The following SEC31A variants were observed in gnomAD, a reference collection of about 807,000 sequenced individuals.
The protein encoded by SEC31A is protein transport protein Sec31A.
SEC31A carries 70 observed loss-of-function variants against 151.0 expected under a neutral mutation model. The observed-to-expected ratio is 0.46, with a 90% CI of 0.38 to 0.57. The LOEUF (loss-of-function observed/expected upper bound fraction) is 0.57, where lower values mean the gene tolerates loss of function less well. SEC31A is among the 20% of genes least tolerant of loss of function. SEC31A has a pLI of 0.00. For synonymous variants in SEC31A, 475 were observed against 505.9 expected (o/e 0.94, Z 0.82); for missense variants, 1,330 against 1,471.2 (o/e 0.90, Z 1.57).
chr4:82,822,611 G>A (rs2148924565), intron 25 of SEC31A, among the ~76,000 whole-genome samples: 1 of 152,286 alleles, frequency 6.6e-6, no homozygotes, highest in Middle Eastern at 3.4e-3. Flanking sequence ...ATACATCCAT[G>A]CTATAAAAAC....
intron 25 of SEC31A, among the ~76,000 whole-genome samples, chr4:82,823,213 A>G (rs1443799914): frequency 6.6e-6 from 1 of 152,216 alleles, no homozygotes; most frequent in Non-Finnish European, 1.5e-5. Flanking sequence ...GAGTTGGGCC[A>G]TGTATTACGT....
At chr4:82,822,759 A>T (rs1343850029) in intron 25 of SEC31A, among the ~76,000 whole-genome samples, 2 of 152,174 alleles carry the variant, frequency 1.3e-5, no homozygotes, top group African/African-American at 4.8e-5. Flanking sequence ...GGATCACCTG[A>T]TGTTGGGAGT....
intron 6 of SEC31A, 64 bp from the exon 7 acceptor site, chr4:82,872,150 G>A (rs1416884455): frequency 1.7e-5 from 20 of 1,147,584 alleles, no homozygotes; most frequent in South Asian, 6.3e-5. Flanking sequence ...AAACTACAAC[G>A]AGAAATATAC....
intron 17 of SEC31A, 116 bp downstream of exon 17, chr4:82,854,784 TTTC>T: frequency 9.7e-7 from 1 of 1,034,168 alleles, no homozygotes; most frequent in Non-Finnish European, 1.3e-6. Flanking sequence ...AATGAGAATT[TTTC>T]TTTTTTGTGA....
At position 82,862,587 on chromosome 4, in the gene SEC31A, A is replaced by G; in HGVS notation, c.1510-15T>C. On this transcript the variant is annotated splice_polypyrimidine_tract_variant and intron_variant, in intron 12 of 26. Transcript: ENST00000395310. ...GCCAAAGCAATCTGAAATAAAAATA[A>G]CAGCTCACCTACTACATGGAATTCT... 1 of 1,610,548 alleles carries G rather than the reference A, an allele frequency of 6.2e-7. No homozygotes were observed. The highest frequency in any genetic ancestry group is 8.5e-7 in the Non-Finnish European group (1 of 1,176,918).
At chr4:82,843,677 T>TA (rs535395996) in intron 21 of SEC31A, 25 of 152,198 alleles carry the variant, frequency 1.6e-4, no homozygotes, top group African/African-American at 4.3e-4. Flanking sequence ...TTTTTATTTT[T>TA]TTTTTTTGCA....
rs775863694 is a variant in SEC31A, at chr4:82,851,425, A to T, written c.2328+6T>A. 1 of 1,608,270 alleles carries T rather than the reference A, an allele frequency of 6.2e-7. No homozygotes were observed. The highest frequency in any genetic ancestry group is 1.1e-5 in the South Asian group (1 of 90,406). ...AAACATTACAAAAATGGTCAATTCT[A>T]ATTACCTGGTTGGTGTTGTCAGGAA... On this transcript the variant is annotated splice_donor_region_variant and intron_variant, in intron 19 of 26. Transcript: ENST00000395310.
intron 25 of SEC31A, among the ~76,000 whole-genome samples, chr4:82,822,830 G>A (rs942957124): frequency 7.2e-5 from 11 of 152,054 alleles, no homozygotes; most frequent in South Asian, 2.1e-4. Flanking sequence ...AAAATTAGCC[G>A]GGCGTGGTGG....
intron 17 of SEC31A, 77 bp from the exon 18 acceptor site, chr4:82,853,792 T>C: frequency 8.6e-7 from 1 of 1,166,600 alleles, no homozygotes; most frequent in Non-Finnish European, 1.2e-6. Flanking sequence ...CTAAATAATA[T>C]TTTCAGAGGC....
intron 24 of SEC31A, 150 bp downstream of exon 24, chr4:82,827,219 C>A (rs1482904275): frequency 3.6e-6 from 3 of 835,752 alleles, no homozygotes; most frequent in Non-Finnish European, 5.6e-6. Context: ...AATATACATA[C>A]ATGATCGATC....
At chr4:82,851,288 C>CAATAA in intron 19 of SEC31A, 143 bp downstream of exon 19, 1 of 617,864 alleles carries the variant, frequency 1.6e-6, no homozygotes, top group Non-Finnish European at 2.8e-6. Flanking sequence ...GAAGAATTGT[C>CAATAA]AATAACATTT....
At chr4:82,835,765 A>C (rs1727072544) in intron 22 of SEC31A, among the ~76,000 whole-genome samples, 1 of 152,168 alleles carries the variant, frequency 6.6e-6, no homozygotes, top group Non-Finnish European at 1.5e-5. Flanking sequence ...ACTGCACTCC[A>C]GCCTGAGTGA....
chr4:82,887,905 G>C (rs1429710179), intron 1 of SEC31A, among the ~76,000 whole-genome samples: 1 of 151,948 alleles, frequency 6.6e-6, no homozygotes, highest in African/African-American at 2.4e-5. Context: ...AATTAGCCGG[G>C]CGCAGTGGCG....
At chr4:82,880,602 A>AG in intron 3 of SEC31A, 197 bp downstream of exon 3, 1 of 390,950 alleles carries the variant, frequency 2.6e-6, no homozygotes, top group Non-Finnish European at 4.4e-6. Flanking sequence ...AAAAAAAAAG[A>AG]AAAAAAAAAG....
At chr4:82,862,637 C>A in intron 12 of SEC31A, 65 bp from the exon 13 acceptor site, 1 of 1,390,566 alleles carries the variant, frequency 7.2e-7, no homozygotes, top group South Asian at 1.2e-5. Context: ...AGCAAATGTT[C>A]ACCTCTTGCT....
In SEC31A at chr4:82,837,105, T is replaced by C. The variant is rs985922560; in HGVS notation, c.2968+5035A>G. Among the ~76,000 whole-genome samples the C allele has an allele frequency of 3.4e-5, 5 of 146,108 alleles. No homozygotes were observed. The Admixed American group carries it at 3.5e-4, about 10-fold the overall frequency. On this transcript the variant is annotated intron_variant, in intron 22 of 26. Coordinates refer to ENST00000395310, the MANE Select transcript of SEC31A (RefSeq NM_001077207.4). Reference sequence around the variant, plus strand: ...TCTGCTGGTTGCAAAACAATATAAATGTACTTAATGCCACAGAGCTGTACC... The same window carrying C: ...TCTGCTGGTTGCAAAACAATATAAACGTACTTAATGCCACAGAGCTGTACC...
At chr4:82,881,728 C>T (rs1739386261) in intron 2 of SEC31A, 130 bp downstream of exon 2, 3 of 682,834 alleles carry the variant, frequency 4.4e-6, no homozygotes, top group Middle Eastern at 3.8e-4. Context: ...CTAAACTTGG[C>T]TGATAGAATG....
intron 18 of SEC31A, among the ~76,000 whole-genome samples, chr4:82,853,120 T>C (rs1252511666): frequency 6.6e-6 from 1 of 152,102 alleles, no homozygotes; most frequent in African/African-American, 2.4e-5. Context: ...GGCCTGGGGG[T>C]TGGGGACCTC....
intron 22 of SEC31A, among the ~76,000 whole-genome samples, chr4:82,832,291 C>G (rs1726126358): frequency 6.6e-6 from 1 of 152,070 alleles, no homozygotes; most frequent in African/African-American, 2.4e-5. Flanking sequence ...AAACCTGACA[C>G]ACACAAGCAA....
Sources: allele counts gnomAD v4.1 joint callset (sites outside exome capture counted in the v4.1 genomes callset), GRCh38; gene constraint gnomAD v4.1.1; transcripts MANE v1.5; gene names NCBI Gene and HGNC (gene_info 2026-07-23, HGNC 2026-07-21).